ANXA4: variants seen among roughly 807,000 people sequenced by gnomAD.
ANXA4 encodes the protein 35-beta calcimedin.
Under a neutral mutation model 49.8 loss-of-function variants are expected in ANXA4, and 39 were observed. That is an observed-to-expected ratio of 0.78 (90% CI 0.61 to 1.02). The LOEUF (loss-of-function observed/expected upper bound fraction) is 1.02, where lower values mean the gene tolerates loss of function less well. Among genes scored for constraint, ANXA4 ranks in the 50% least tolerant of loss-of-function variants. The pLI is 0.00. For missense variants in ANXA4, 360 were observed against 410.1 expected, an observed-to-expected ratio of 0.88 and a Z score of 1.05; for synonymous variants, 134 against 152.5, an observed-to-expected ratio of 0.88 and a Z score of 0.89.
intron 2 of ANXA4, among the ~76,000 whole-genome samples, chr2:69,705,627 G>A (rs957472952): frequency 2.6e-5 from 4 of 152,054 alleles, no homozygotes; most frequent in African/African-American, 9.7e-5. Flanking sequence ...GTATTCTTAC[G>A]TGTCTTTTAA....
chr2:69,703,856 G>A (rs1034794710), intron 2 of ANXA4, among the ~76,000 whole-genome samples: 6 of 151,774 alleles, frequency 4.0e-5, no homozygotes, highest in Admixed American at 6.6e-5. Context: ...GTCTTACTAC[G>A]TTGCTCAGGC....
intron 1 of ANXA4, among the ~76,000 whole-genome samples, chr2:69,773,517 T>A (rs1247765744): frequency 1.3e-5 from 2 of 152,104 alleles, no homozygotes; most frequent in Non-Finnish European, 2.9e-5. Context: ...AAGGACTGGC[T>A]AAGATCTGTG....
At chr2:69,812,121 CTT>C (rs1327532159) in intron 7 of ANXA4, among the ~76,000 whole-genome samples, 86 of 138,320 alleles carry the variant, frequency 6.2e-4, no homozygotes, top group African/African-American at 1.3e-3. Flanking sequence ...ACCTCCCCAC[CTT>C]TTTTTTTTTT....
At chr2:69,667,169 G>A (rs988092494) in intron 2 of ANXA4, among the ~76,000 whole-genome samples, 15 of 152,050 alleles carry the variant, frequency 9.9e-5, no homozygotes, top group Non-Finnish European at 2.1e-4. Context: ...GGCAGAGAGG[G>A]TGGGAAGGAA....
chr2:69,808,386 T>C (rs1573299861), intron 6 of ANXA4: 1 of 178,686 alleles, frequency 5.6e-6, no homozygotes, highest in East Asian at 1.6e-4. Flanking sequence ...GGACTGTACG[T>C]CCTCCAGCCA....
chr2:69,741,147 A>G (rs954638989), upstream of ANXA4, among the ~76,000 whole-genome samples: 5 of 152,354 alleles, frequency 3.3e-5, no homozygotes, highest in East Asian at 7.7e-4. Context: ...TCCAGCTTTA[A>G]GGGTGCCATT....
intron 2 of ANXA4, among the ~76,000 whole-genome samples, chr2:69,655,720 C>G (rs1288807942): frequency 1.3e-5 from 2 of 152,148 alleles, no homozygotes; most frequent in African/African-American, 4.8e-5. Flanking sequence ...TTTAAAGACA[C>G]ATGCACACAT....
At chr2:69,779,999 A>T (rs1055470527) in intron 1 of ANXA4, among the ~76,000 whole-genome samples, 1 of 152,230 alleles carries the variant, frequency 6.6e-6, no homozygotes, top group Non-Finnish European at 1.5e-5. Flanking sequence ...GGTAAAAAGC[A>T]AATGTGATCA....
At chr2:69,762,877 ACACTCATACT>A (rs1671352854) in intron 1 of ANXA4, among the ~76,000 whole-genome samples, 2 of 151,928 alleles carry the variant, frequency 1.3e-5, no homozygotes, top group Non-Finnish European at 1.5e-5. Context: ...ACACTCACAC[ACACTCATACT>A]CACTCACACT....
chr2:69,825,551 A>G lies in ANXA4; in HGVS notation c.*36A>G, dbSNP rs748222926. The G allele has an allele frequency of 2.1e-5, 33 of 1,542,002 alleles. No individual in the cohort carries two copies. In the Admixed American group the frequency reaches 6.7e-4, roughly 31 times the overall value. ...CCAGAAGGACAGGAGGATTCTCAAC[A>G]CTTTGAATTTTTTTAACTTCATTTT... On this transcript the variant is annotated 3_prime_UTR_variant, in exon 13 of 13. Coordinates refer to ENST00000394295, the MANE Select transcript of ANXA4 (RefSeq NM_001153.5).
chr2:69,662,469 C>T (rs4852906), intron 2 of ANXA4, among the ~76,000 whole-genome samples: 10,746 of 151,954 alleles, frequency 0.071, 1,108 homozygotes, highest in East Asian at 0.37. Flanking sequence ...AAAGAATTTG[C>T]AGCCATCTTT....
chr2:69,728,217 T>C (rs192636001), intron 3 of ANXA4, among the ~76,000 whole-genome samples: 1 of 152,360 alleles, frequency 6.6e-6, no homozygotes, highest in Admixed American at 6.5e-5. Context: ...GTAAATATCC[T>C]GTTCTTCTCA....
intron 2 of ANXA4, among the ~76,000 whole-genome samples, chr2:69,706,516 G>A (rs1246698537): frequency 6.6e-6 from 1 of 151,752 alleles, no homozygotes; most frequent in African/African-American, 2.4e-5. Context: ...TGGCCAGGCT[G>A]GTCTCGAACT....
Position 69,700,640 on chromosome 2 carries a change from T to C in ANXA4, n.767-20134T>C, listed in dbSNP as rs186637903. 1.6e-3 allele frequency among the ~76,000 whole-genome samples: 247 copies of C among 152,314 alleles called. 1 individual carries two copies. The highest frequency in any genetic ancestry group is 2.5e-3 in the Non-Finnish European group (173 of 68,034). On this transcript the variant is annotated intron_variant and non_coding_transcript_variant, in intron 2 of 3. Coordinates refer to the ANXA4 transcript ENST00000418066. Reference sequence around the variant, plus strand: ...GTGGCATGCTATTGCCTTGATTGCATAGTCATATATCTCAGAGCTCAAACC... The same window carrying C: ...GTGGCATGCTATTGCCTTGATTGCACAGTCATATATCTCAGAGCTCAAACC...
At chr2:69,766,338 C>T (rs971815196) in intron 1 of ANXA4, among the ~76,000 whole-genome samples, 10 of 152,196 alleles carry the variant, frequency 6.6e-5, no homozygotes, top group Admixed American at 5.9e-4. Context: ...ACAATGTCTG[C>T]ACCATTCTAA....
At chr2:69,770,549 T>A (rs1015755869) in intron 1 of ANXA4, among the ~76,000 whole-genome samples, 5 of 152,056 alleles carry the variant, frequency 3.3e-5, no homozygotes, top group Non-Finnish European at 7.4e-5. Flanking sequence ...GGGATGTGGG[T>A]CAATGTTAGG....
chr2:69,696,897 T>C (rs1323036082), intron 2 of ANXA4, among the ~76,000 whole-genome samples: 1 of 152,218 alleles, frequency 6.6e-6, no homozygotes. Flanking sequence ...TAAACAGATG[T>C]GCTGTCATCC....
At chr2:69,689,593 A>C (rs933789140) in intron 2 of ANXA4, among the ~76,000 whole-genome samples, 1 of 152,216 alleles carries the variant, frequency 6.6e-6, no homozygotes, top group African/African-American at 2.4e-5. Flanking sequence ...AAATACATTT[A>C]AGGTCGTTAT....
intron 2 of ANXA4, among the ~76,000 whole-genome samples, chr2:69,706,427 AG>A (rs1678501623): frequency 6.7e-6 from 1 of 148,410 alleles, no homozygotes; most frequent in East Asian, 2.0e-4. Context: ...CAGCCTCCCG[AG>A]TAGCTGGCAT....
Sources: allele counts gnomAD v4.1 joint callset (sites outside exome capture counted in the v4.1 genomes callset), GRCh38; gene constraint gnomAD v4.1.1; transcripts MANE v1.5; gene names NCBI Gene and HGNC (gene_info 2026-07-23, HGNC 2026-07-21).